MARK1: variants seen among roughly 807,000 people sequenced by gnomAD.
The protein encoded by MARK1 is microtubule affinity regulating kinase 1.
A neutral mutation model predicts 96.3 loss-of-function variants in MARK1; 40 were observed. The ratio of observed to expected loss-of-function variants is 0.42; its 90% CI spans 0.32 to 0.54. MARK1 has a LOEUF of 0.54. Ranked by LOEUF, MARK1 falls within the 20% of genes least tolerant of loss-of-function variation. The pLI is 0.16. For missense variants in MARK1, 719 were observed against 984.6 expected (o/e 0.73, Z 3.61); for synonymous variants, 317 against 341.2 (o/e 0.93, Z 0.78).
At chr1:220,603,870 A>G (rs1489972419) in intron 5 of MARK1, among the ~76,000 whole-genome samples, 197 bp from the exon 6 acceptor site, 1 of 152,108 alleles carries the variant, frequency 6.6e-6, no homozygotes, top group Non-Finnish European at 1.5e-5. Context: ...GCTAAATCAC[A>G]AACTGCTACA....
chr1:220,545,609 G>A (rs1053043479), intron 1 of MARK1, among the ~76,000 whole-genome samples: 9 of 151,718 alleles, frequency 5.9e-5, no homozygotes, highest in Non-Finnish European at 1.3e-4. Context: ...GCTAATTTTT[G>A]TATTTTTTCG....
At chr1:220,604,685 A>G (rs1665961058) in intron 6 of MARK1, among the ~76,000 whole-genome samples, 1 of 152,032 alleles carries the variant, frequency 6.6e-6, no homozygotes, top group African/African-American at 2.4e-5. Flanking sequence ...CAACTTGAAT[A>G]TGACTTATTA....
chr1:220,567,169 A>C (rs1049964370), intron 1 of MARK1, among the ~76,000 whole-genome samples: 1 of 152,170 alleles, frequency 6.6e-6, no homozygotes, highest in Non-Finnish European at 1.5e-5. Flanking sequence ...CACTATATGA[A>C]GATTTTATTT....
At chr1:220,528,981 G>A in intron 1 of MARK1, 108 bp downstream of exon 1, 1 of 1,128,010 alleles carries the variant, frequency 8.9e-7, no homozygotes, top group African/African-American at 1.6e-5. Flanking sequence ...GCCACCCGCG[G>A]CAGGGTCTCC....
In MARK1 at chr1:220,528,496, C is replaced by T. The variant is rs1660065052; in HGVS notation, c.-327C>T. 5.2e-6 allele frequency: 2 copies of T among 385,112 alleles called. No individual in the cohort carries two copies. The highest frequency in any genetic ancestry group is 6.9e-4 in the Middle Eastern group (1 of 1,448). The allele number at this position is 385,112 out of a possible 1,614,324, so 23.9% of individuals were successfully genotyped here. A position where few individuals can be genotyped will look rare whatever the true frequency, so the allele number is the denominator to read the frequency against. ...GGTCCGGAGAGCCTAGCGGGGCTCG[C>T]CACCGCCTCCCGGCTCCCCTTCCAC... On this transcript the variant is annotated 5_prime_UTR_variant, in exon 1 of 18. Transcript: ENST00000366917.
intron 1 of MARK1, among the ~76,000 whole-genome samples, chr1:220,574,869 G>T (rs112949272): frequency 6.6e-6 from 1 of 152,264 alleles, no homozygotes; most frequent in Non-Finnish European, 1.5e-5. Flanking sequence ...GGTGGTTGTG[G>T]TATGCAAAAA....
intron 3 of MARK1, among the ~76,000 whole-genome samples, chr1:220,593,617 G>T (rs920005866): frequency 3.9e-5 from 6 of 152,086 alleles, no homozygotes; most frequent in African/African-American, 1.4e-4. Context: ...TGTCAGCCTG[G>T]GAGTCTCTGG....
intron 13 of MARK1, among the ~76,000 whole-genome samples, chr1:220,645,918 A>T (rs1245263667): frequency 6.6e-6 from 1 of 152,234 alleles, no homozygotes; most frequent in Non-Finnish European, 1.5e-5. Flanking sequence ...AAAAATAGTA[A>T]GAGGCATATA....
intron 9 of MARK1, among the ~76,000 whole-genome samples, chr1:220,629,194 A>G (rs1000903219): frequency 6.6e-6 from 1 of 152,148 alleles, no homozygotes; most frequent in Non-Finnish European, 1.5e-5. Context: ...AGGACCTGGA[A>G]AAAGCAATTA....
chr1:220,533,366 A>G (rs1167418819), intron 1 of MARK1, among the ~76,000 whole-genome samples: 7 of 146,860 alleles, frequency 4.8e-5, no homozygotes, highest in Non-Finnish European at 3.0e-5. Flanking sequence ...TGCTATTATT[A>G]CGTCTTTTTT....
At chr1:220,607,867 C>T (rs911036087) in intron 6 of MARK1, among the ~76,000 whole-genome samples, 6 of 152,132 alleles carry the variant, frequency 3.9e-5, no homozygotes. Flanking sequence ...TATTGATTTG[C>T]GTATATTGAA....
chr1:220,529,287 G>C (rs1660147310), intron 1 of MARK1, among the ~76,000 whole-genome samples: 1 of 152,098 alleles, frequency 6.6e-6, no homozygotes. Context: ...TGCTTTTCTG[G>C]ATCTTTCAAT....
intron 16 of MARK1, among the ~76,000 whole-genome samples, chr1:220,653,610 A>G (rs1046293517): frequency 2.6e-5 from 4 of 152,196 alleles, no homozygotes; most frequent in Non-Finnish European, 4.4e-5. Flanking sequence ...CTTAACTTCA[A>G]AAATGTGTGT....
intron 1 of MARK1, among the ~76,000 whole-genome samples, chr1:220,530,035 G>A (rs1447973093): frequency 1.3e-5 from 2 of 152,154 alleles, no homozygotes; most frequent in East Asian, 3.9e-4. Context: ...TAGACAAAAG[G>A]CATGAGAGAA....
In MARK1 at chr1:220,632,215, A is replaced by T; in HGVS notation, c.1024A>T (p.Met342Leu). The T allele has an allele frequency of 6.8e-7, 1 of 1,475,968 alleles. No individual in the cohort carries two copies. Among genetic ancestry groups the T allele is most frequent in the Non-Finnish European group, 9.1e-7 (1 of 1,104,820 alleles). The allele number at this position is 1,475,968 out of a possible 1,614,324, so 91.4% of individuals were successfully genotyped here. A position where few individuals can be genotyped will look rare whatever the true frequency, so the allele number is the denominator to read the frequency against. The change falls in exon 11 of 18, where the codon ATG (methionine) becomes TTG (leucine). Residue 342 changes from methionine to leucine, a missense_variant. Met to Leu is a conservative substitution (Grantham distance 15). This residue lies in a region of MARK1 where 501 missense variants were observed against 588.3 expected (regional missense o/e 0.85). Transcript: ENST00000366917. Reference protein sequence around the residue: ...DTKRIDIMVTMGFARDEINDA... With the variant: ...DTKRIDIMVTLGFARDEINDA... ...TAAATTTCTAGACATTATGGTCACCATGGGCTTTGCACGAGATGAAATAAA... is the reference window on the plus strand; with the variant it reads ...TAAATTTCTAGACATTATGGTCACCTTGGGCTTTGCACGAGATGAAATAAA...
chr1:220,579,659 A>G (rs1335539152), intron 2 of MARK1, 102 bp downstream of exon 2: 1 of 871,974 alleles, frequency 1.1e-6, no homozygotes. Context: ...CAGTTTCAAT[A>G]TGATTAACAC....
Position 220,631,208 on chromosome 1 carries a change from G to A in MARK1, c.1009+74G>A. Reference sequence around the variant, plus strand: ...GAGTCCTTTAGTGTGCCAAAATAGTGTTTAAGAGTATAAATAGGAAGCAAT... The same window carrying A: ...GAGTCCTTTAGTGTGCCAAAATAGTATTTAAGAGTATAAATAGGAAGCAAT... On this transcript the variant is annotated intron_variant, in intron 10 of 17. Transcript: ENST00000366917. 4.5e-6 allele frequency: 4 copies of A among 892,714 alleles called. No individual in the cohort carries two copies. The South Asian group carries it at 4.9e-5, about 11-fold the overall frequency. 55.3% of individuals were successfully genotyped at this position (892,714 alleles called of 1,614,324 possible).
At chr1:220,536,446 G>A (rs1660689564) in intron 1 of MARK1, among the ~76,000 whole-genome samples, 2 of 148,588 alleles carry the variant, frequency 1.3e-5, no homozygotes, top group African/African-American at 5.0e-5. Flanking sequence ...ATAAACTACT[G>A]TGTACATTTT....
At chr1:220,533,309 G>A (rs1487868762) in intron 1 of MARK1, among the ~76,000 whole-genome samples, 1 of 151,700 alleles carries the variant, frequency 6.6e-6, no homozygotes, top group African/African-American at 2.4e-5. Flanking sequence ...GCAATACATT[G>A]GAAGAAGAAA....
Sources: gnomAD v4.1 joint callset for allele counts (sites outside exome capture counted in the v4.1 genomes callset) on GRCh38, gnomAD v4.1.1 for gene constraint, gnomAD v4.1.1 regional missense constraint, MANE v1.5 for transcripts, NCBI Gene and HGNC (gene_info 2026-07-23, HGNC 2026-07-21) for gene names.